The following GRID2 variants were observed in gnomAD, a reference collection of about 807,000 sequenced individuals.
The protein encoded by GRID2 is glutamate ionotropic receptor delta type subunit 2, also known as glutamate receptor ionotropic, delta-2.
GRID2 carries 33 observed loss-of-function variants against 114.8 expected under a neutral mutation model. The ratio of observed to expected loss-of-function variants is 0.29; its 90% CI spans 0.22 to 0.38. GRID2 has a LOEUF of 0.38. Ranked by LOEUF, GRID2 falls within the 10% of genes least tolerant of loss-of-function variation. GRID2 has a pLI of 1.00. For synonymous variants in GRID2, 505 were observed against 449.9 expected, an observed-to-expected ratio of 1.12 and a Z score of -1.55; for missense variants, 1,184 against 1,257.7, an observed-to-expected ratio of 0.94 and a Z score of 0.89.
intron 2 of GRID2, among the ~76,000 whole-genome samples, chr4:92,702,877 T>C (rs1414943531): frequency 1.3e-5 from 2 of 152,226 alleles, no homozygotes; most frequent in African/African-American, 2.4e-5. Flanking sequence ...TCATCTAAAA[T>C]TCAAGTACTC....
downstream of GRID2, among the ~76,000 whole-genome samples, chr4:93,777,699 A>C (rs894964973): frequency 5.3e-5 from 8 of 152,326 alleles, no homozygotes; most frequent in African/African-American, 1.4e-4. Context: ...ATTAAAAACT[A>C]ATTAAGCTTT....
chr4:92,416,126 C>T (rs923793672), intron 1 of GRID2, among the ~76,000 whole-genome samples: 4 of 151,732 alleles, frequency 2.6e-5, no homozygotes, highest in Non-Finnish European at 5.9e-5. Flanking sequence ...TATCTCATTG[C>T]GGTTTTAATT....
chr4:93,159,677 AT>A (rs1043542635), intron 4 of GRID2, among the ~76,000 whole-genome samples: 4 of 143,912 alleles, frequency 2.8e-5, no homozygotes, highest in African/African-American at 1.0e-4. Context: ...ACAGATAAGA[AT>A]TTTTTTCCAT....
At chr4:92,800,872 C>T (rs1740127394) in intron 2 of GRID2, among the ~76,000 whole-genome samples, 1 of 151,972 alleles carries the variant, frequency 6.6e-6, no homozygotes, top group African/African-American at 2.4e-5. Context: ...AAACACAGAA[C>T]AGTGATTTCA....
intron 4 of GRID2, among the ~76,000 whole-genome samples, chr4:93,117,962 T>C (rs1733434640): frequency 6.6e-6 from 1 of 152,204 alleles, no homozygotes; most frequent in Non-Finnish European, 1.5e-5. Flanking sequence ...ACAGCATTCA[T>C]AGGATTTTAT....
intron 2 of GRID2, among the ~76,000 whole-genome samples, chr4:92,667,993 T>G (rs550235588): frequency 1.3e-5 from 2 of 151,916 alleles, no homozygotes; most frequent in Admixed American, 6.6e-5. Flanking sequence ...CATGTGGTAC[T>G]ACCGGTATCA....
intron 2 of GRID2, among the ~76,000 whole-genome samples, chr4:92,777,786 A>C (rs903702717): frequency 4.0e-5 from 6 of 151,648 alleles, no homozygotes; most frequent in African/African-American, 1.5e-4. Flanking sequence ...GGCCATCTGC[A>C]AGCTGAGGGG....
intron 14 of GRID2, among the ~76,000 whole-genome samples, chr4:93,684,876 CA>C (rs1725935401): frequency 6.6e-6 from 1 of 151,934 alleles, no homozygotes; most frequent in African/African-American, 2.4e-5. Context: ...TTTGGTCAAG[CA>C]AAACTCTTTA....
intron 2 of GRID2, among the ~76,000 whole-genome samples, chr4:92,799,450 T>C (rs954696637): frequency 6.6e-6 from 1 of 151,978 alleles, no homozygotes; most frequent in African/African-American, 2.4e-5. Flanking sequence ...TTTCTCGCTG[T>C]TTTAGTGGCT....
At chr4:93,321,048 C>A (rs1431232337) in intron 8 of GRID2, among the ~76,000 whole-genome samples, 1 of 152,018 alleles carries the variant, frequency 6.6e-6, no homozygotes, top group African/African-American at 2.4e-5. Flanking sequence ...CCAAATTGGG[C>A]AAGCTGATGT....
intron 1 of GRID2, among the ~76,000 whole-genome samples, chr4:92,561,843 C>T (rs1003819904): frequency 2.0e-5 from 3 of 152,016 alleles, no homozygotes; most frequent in African/African-American, 4.8e-5. Context: ...TCAGTTATTC[C>T]TCATGCTGAA....
chr4:92,561,519 G>A (rs546908389), intron 1 of GRID2, among the ~76,000 whole-genome samples: 1 of 152,202 alleles, frequency 6.6e-6, no homozygotes, highest in East Asian at 1.9e-4. Context: ...AAATTCAATT[G>A]TTTTATGCAG....
chr4:93,804,022 T>C (rs1734985120), intron 1 of GRID2, among the ~76,000 whole-genome samples: 1 of 152,172 alleles, frequency 6.6e-6, no homozygotes, highest in African/African-American at 2.4e-5. Flanking sequence ...CAGCATACCA[T>C]TCATGTGACC....
intron 8 of GRID2, among the ~76,000 whole-genome samples, chr4:93,337,151 G>A (rs370640685): frequency 6.6e-6 from 1 of 152,088 alleles, no homozygotes. Context: ...ATTTACTTAT[G>A]TTGCCTGAGA....
chr4:92,824,776 A>C (rs185497611), intron 2 of GRID2, among the ~76,000 whole-genome samples: 1 of 152,206 alleles, frequency 6.6e-6, no homozygotes, highest in Admixed American at 6.5e-5. Flanking sequence ...AATTAACTTT[A>C]AATTGCCTCT....
intron 2 of GRID2, among the ~76,000 whole-genome samples, chr4:92,798,995 G>A (rs1405150165): frequency 6.6e-6 from 1 of 151,982 alleles, no homozygotes; most frequent in East Asian, 1.9e-4. Context: ...TTTGACACCA[G>A]GGATACGATT....
chr4:93,517,074 C>T (rs1346422907), intron 13 of GRID2, among the ~76,000 whole-genome samples: 2 of 151,858 alleles, frequency 1.3e-5, no homozygotes, highest in African/African-American at 4.8e-5. Context: ...AATCTCTGGG[C>T]CTTGAGAGTT....
At chr4:93,354,338 G>A (rs891558521) in intron 8 of GRID2, among the ~76,000 whole-genome samples, 2 of 151,798 alleles carry the variant, frequency 1.3e-5, no homozygotes, top group African/African-American at 4.8e-5. Context: ...ATGCTGTTTA[G>A]ACATTAAACT....
chr4:92,579,865 A>AATTTTGTATAT (rs148107239), intron 1 of GRID2, among the ~76,000 whole-genome samples: 39,824 of 149,262 alleles, frequency 0.27, 5,496 homozygotes, highest in Middle Eastern at 0.36. Context: ...ACAAAATGTC[A>AATTTTGTATAT]GAGACTGTGA....
Sources: allele counts gnomAD v4.1 joint callset (sites outside exome capture counted in the v4.1 genomes callset), GRCh38; gene constraint gnomAD v4.1.1; transcripts MANE v1.5; gene names NCBI Gene and HGNC (gene_info 2026-07-23, HGNC 2026-07-21).